Variants in IL10RB observed in about 807,000 individuals in gnomAD.
IL10RB encodes interleukin 10 receptor subunit beta.
IL10RB carries 30 observed loss-of-function variants against 38.7 expected under a neutral mutation model. The ratio of observed to expected loss-of-function variants is 0.78; its 90% CI spans 0.58 to 1.05. The LOEUF (loss-of-function observed/expected upper bound fraction) is 1.05, where lower values mean the gene tolerates loss of function less well. IL10RB is among the 50% of genes least tolerant of loss of function. The probability of loss-of-function intolerance (pLI) is 0.00; values close to 1 mark genes in which losing one functional copy is unlikely to be tolerated. For synonymous variants in IL10RB, 142 were observed against 145.9 expected (o/e 0.97, Z 0.19); for missense variants, 328 against 397.1 (o/e 0.83, Z 1.48).
At chr21:33,281,797 A>G (rs1335065870) in intron 4 of IL10RB, among the ~76,000 whole-genome samples, 1 of 152,146 alleles carries the variant, frequency 6.6e-6, no homozygotes, top group Non-Finnish European at 1.5e-5. Flanking sequence ...GAATGTAGAG[A>G]TTCCTGAGGC....
chr21:33,287,617 TCGG>T (rs1441655881), intron 5 of IL10RB, among the ~76,000 whole-genome samples: 1 of 152,000 alleles, frequency 6.6e-6, no homozygotes, highest in Non-Finnish European at 1.5e-5. Context: ...TCCTCCCACC[TCGG>T]CCTCCCAAAG....
Position 33,268,394 on chromosome 21 carries a change from C to T in IL10RB, c.50C>T (p.Ala17Val). ...SWLGGCLLVSALGMVPPPENV... is the reference protein window; with the variant it reads ...SWLGGCLLVSVLGMVPPPENV... ...AAATGTTTTTGTCTTATTTTCATAG[C>T]ATTGGGAATGGTACCACCTCCCGAA... Residue 17 changes from alanine to valine, a missense_variant and splice_region_variant, in exon 2 of 7, where the codon GCA (alanine) becomes GTA (valine). Ala to Val is a moderately conservative substitution (Grantham distance 64). Transcript: ENST00000290200. The T allele has an allele frequency of 6.2e-7, 1 of 1,613,940 alleles. No individual in the cohort carries two copies.
chr21:33,293,406 CT>C (rs1166227935), intron 6 of IL10RB, among the ~76,000 whole-genome samples: 1 of 152,220 alleles, frequency 6.6e-6, no homozygotes, highest in Non-Finnish European at 1.5e-5. Context: ...TTCCTGGAGG[CT>C]GGGGGAACAA....
At position 33,284,296 on chromosome 21, in the gene IL10RB, C is replaced by CA. The variant is rs59098773; in HGVS notation, c.646+1071dup. Among the ~76,000 whole-genome samples, 144 of 69,072 alleles carry CA rather than the reference C, an allele frequency of 2.1e-3. 1 individual carries two copies. The highest frequency in any genetic ancestry group is 0.01 in the Middle Eastern group (1 of 96). The allele number at this position is 69,072 out of a possible 152,430, so 45.3% of individuals were successfully genotyped here. On this transcript the variant is annotated intron_variant, in intron 5 of 6. Coordinates refer to ENST00000290200, the MANE Select transcript of IL10RB (RefSeq NM_000628.5). ...AAGCAATAAGAGTGAGACCCTGCCT[C>CA]AAAAAAAAAAAAAAAAGAAAAGAAA... is the stretch of plus-strand genomic sequence containing the variant.
Position 33,266,401 on chromosome 21 carries a change from G to A in IL10RB, c.-65G>A. On this transcript the variant is annotated 5_prime_UTR_variant, in exon 1 of 7. Transcript: ENST00000290200. The stretch of plus-strand genomic sequence containing the variant: ...GGTTCCCGGAAGCCGCCGCGGACAA[G>A]CTCTCCCGGGCGCGGGCGGGGGTCG... 2.0e-6 allele frequency: 3 copies of A among 1,515,020 alleles called. No homozygotes were observed. Among genetic ancestry groups the A allele is most frequent in the African/African-American group, 1.4e-5 (1 of 71,228 alleles). 93.8% of individuals were successfully genotyped at this position (1,515,020 alleles called of 1,614,324 possible). A position where few individuals can be genotyped will look rare whatever the true frequency, so the allele number is the denominator to read the frequency against.
chr21:33,273,607 A>G (rs561173709), intron 2 of IL10RB, among the ~76,000 whole-genome samples: 7 of 152,122 alleles, frequency 4.6e-5, no homozygotes, highest in African/African-American at 1.7e-4. Context: ...GCATCAACTA[A>G]CTCTTCCTTT....
chr21:33,275,621 T>C (rs541452822), intron 2 of IL10RB, among the ~76,000 whole-genome samples: 32 of 152,374 alleles, frequency 2.1e-4, no homozygotes, highest in African/African-American at 7.0e-4. Flanking sequence ...GCTGTTTTAC[T>C]TTCTTATTAT....
chr21:33,280,326 G>C (rs190529568), intron 4 of IL10RB, among the ~76,000 whole-genome samples: 1 of 152,138 alleles, frequency 6.6e-6, no homozygotes, highest in African/African-American at 2.4e-5. Context: ...TTCTTCAGGG[G>C]ACAATTTCTT....
At chr21:33,275,486 T>C (rs1989154643) in intron 2 of IL10RB, among the ~76,000 whole-genome samples, 2 of 152,216 alleles carry the variant, frequency 1.3e-5, no homozygotes, top group African/African-American at 2.4e-5. Flanking sequence ...TCCTCACCTC[T>C]TTAAGCCTTC....
At position 33,275,063 on chromosome 21, in the gene IL10RB, A is replaced by G. The variant is rs151301954; in HGVS notation, c.174-1533A>G. 2.1e-3 allele frequency among the ~76,000 whole-genome samples: 322 copies of G among 151,796 alleles called. 1 individual carries two copies. The highest frequency in any genetic ancestry group is 7.5e-3 in the African/African-American group (309 of 41,324). On this transcript the variant is annotated intron_variant, in intron 2 of 6. Coordinates refer to ENST00000290200, the MANE Select transcript of IL10RB (RefSeq NM_000628.5). Reference sequence around the variant, plus strand: ...AACTTGCTGCAGCTTCTACATGGGCACTTGCTGCTTCACCTTGCACTTTTA... The same window carrying G: ...AACTTGCTGCAGCTTCTACATGGGCGCTTGCTGCTTCACCTTGCACTTTTA...
At chr21:33,278,033 A>T (rs1989208664) in intron 3 of IL10RB, among the ~76,000 whole-genome samples, 1 of 132,994 alleles carries the variant, frequency 7.5e-6, no homozygotes, top group Non-Finnish European at 1.6e-5. Context: ...TCTACAAAAA[A>T]CAAAAAAAAT....
chr21:33,279,602 C>G, intron 3 of IL10RB, 150 bp from the exon 4 acceptor site: 1 of 722,280 alleles, frequency 1.4e-6, no homozygotes, highest in South Asian at 1.5e-5. Context: ...TCCAACTACC[C>G]TTCTTAGCCA....
intron 4 of IL10RB, among the ~76,000 whole-genome samples, chr21:33,282,136 A>T (rs577410844): frequency 2.0e-5 from 3 of 152,010 alleles, no homozygotes; most frequent in African/African-American, 7.2e-5. Context: ...TTTTCTTCAT[A>T]TATTCCATAA....
chr21:33,269,830 T>G (rs1334723212), intron 2 of IL10RB, among the ~76,000 whole-genome samples: 1 of 152,098 alleles, frequency 6.6e-6, no homozygotes, highest in Non-Finnish European at 1.5e-5. Flanking sequence ...AGCTAATTTT[T>G]TGTATTTTTA....
At chr21:33,281,591 T>G (rs28385659) in intron 4 of IL10RB, among the ~76,000 whole-genome samples, 9,680 of 151,996 alleles carry the variant, frequency 0.064, 407 homozygotes, top group Middle Eastern at 0.12. Context: ...TTTTTGGGGG[T>G]TTTTTTGAGG....
At position 33,284,803 on chromosome 21, in the gene IL10RB, C is replaced by T. The variant is rs562635622; in HGVS notation, c.646+1562C>T. ...CATGATTGGGAGCTTCTAGAGGCTT[C>T]CCCAGAAACAGATACCGCTATGCTT... On this transcript the variant is annotated intron_variant, in intron 5 of 6. Coordinates refer to ENST00000290200, the MANE Select transcript of IL10RB (RefSeq NM_000628.5). 2.0e-3 allele frequency among the ~76,000 whole-genome samples: 309 copies of T among 152,306 alleles called. 2 individuals are homozygous for T. The highest frequency in any genetic ancestry group is 3.4e-3 in the Non-Finnish European group (233 of 68,022).
At chr21:33,305,276 T>C (rs2082996326) in intron 1 of IL10RB, among the ~76,000 whole-genome samples, 1 of 151,558 alleles carries the variant, frequency 6.6e-6, no homozygotes, top group Non-Finnish European at 1.5e-5. Flanking sequence ...GACAGGCTAA[T>C]TTTTTTTTCT....
Position 33,296,399 on chromosome 21 carries a change from C to T in IL10RB, c.*42C>T, listed in dbSNP as rs764500130. On this transcript the variant is annotated 3_prime_UTR_variant, in exon 7 of 7. Transcript: ENST00000290200. ...ACACTCGGCTGGGCACAGTGACGTA[C>T]TCCATCTCACATCTGCCTCAGTGAG... 3.2e-6 allele frequency: 5 copies of T among 1,586,984 alleles called. No homozygotes were observed. Among genetic ancestry groups the T allele is most frequent in the Non-Finnish European group, 4.3e-6 (5 of 1,162,344 alleles).
downstream of IL10RB, among the ~76,000 whole-genome samples, chr21:33,298,411 C>T (rs578021880): frequency 1.6e-4 from 24 of 152,060 alleles, no homozygotes; most frequent in African/African-American, 4.6e-4. Context: ...GTCAGGAGTT[C>T]GAGACCAGCC....
Sources: gnomAD v4.1 joint callset for allele counts (sites outside exome capture counted in the v4.1 genomes callset) on GRCh38, gnomAD v4.1.1 for gene constraint, MANE v1.5 for transcripts, NCBI Gene and HGNC (gene_info 2026-07-23, HGNC 2026-07-21) for gene names.